ADGRL3: variants seen among roughly 807,000 people sequenced by gnomAD.
The protein encoded by ADGRL3 is adhesion G protein-coupled receptor L3, also known as calcium-independent alpha-latrotoxin receptor 3.
In ADGRL3, 62 loss-of-function variants were observed where a neutral mutation model predicts 153.5. The observed-to-expected ratio is 0.40, with a 90% CI of 0.33 to 0.50. The LOEUF (loss-of-function observed/expected upper bound fraction) is 0.50, where lower values mean the gene tolerates loss of function less well. Among genes scored for constraint, ADGRL3 ranks in the 20% least tolerant of loss-of-function variants. ADGRL3 has a pLI of 0.47. For missense variants in ADGRL3, 1,641 were observed against 1,859.4 expected (o/e 0.88, Z 2.16); for synonymous variants, 710 against 672.5 (o/e 1.06, Z -0.86).
chr4:61,806,517 T>C (rs1461758394), intron 8 of ADGRL3, among the ~76,000 whole-genome samples: 1 of 151,962 alleles, frequency 6.6e-6, no homozygotes, highest in Non-Finnish European at 1.5e-5. Flanking sequence ...TATTTTTCTA[T>C]CTAATATACA....
At chr4:61,409,049 A>T (rs2097045519) in intron 2 of ADGRL3, among the ~76,000 whole-genome samples, 1 of 151,340 alleles carries the variant, frequency 6.6e-6, no homozygotes, top group Non-Finnish European at 1.5e-5. Flanking sequence ...CAATACTTGC[A>T]TATTCTGCCC....
At chr4:61,714,326 T>C (rs1211438159) in intron 6 of ADGRL3, among the ~76,000 whole-genome samples, 1 of 151,404 alleles carries the variant, frequency 6.6e-6, no homozygotes, top group Non-Finnish European at 1.5e-5. Context: ...TTAAAGATTA[T>C]GGTGAATGTA....
chr4:61,657,572 A>G (rs752133643), intron 5 of ADGRL3, among the ~76,000 whole-genome samples: 2 of 152,112 alleles, frequency 1.3e-5, no homozygotes, highest in African/African-American at 2.4e-5. Flanking sequence ...TTTAACACCA[A>G]GAGTCAACAA....
intron 2 of ADGRL3, among the ~76,000 whole-genome samples, chr4:61,415,138 T>C (rs2097131833): frequency 6.6e-6 from 1 of 151,868 alleles, no homozygotes; most frequent in Admixed American, 6.6e-5. Context: ...AATAGGAATA[T>C]TAAAATACAT....
chr4:61,358,573 G>A (rs1431567741), intron 1 of ADGRL3, among the ~76,000 whole-genome samples: 9 of 140,838 alleles, frequency 6.4e-5, no homozygotes. Flanking sequence ...CTCCAGCCTG[G>A]GCGACAGAGC....
intron 9 of ADGRL3, among the ~76,000 whole-genome samples, chr4:61,848,659 T>G (rs573136064): frequency 1.2e-3 from 181 of 152,200 alleles, no homozygotes; most frequent in Non-Finnish European, 1.9e-3. Flanking sequence ...TATTCTAAAT[T>G]TTATCCAAGA....
At chr4:61,433,835 G>T (rs2097407355) in intron 2 of ADGRL3, among the ~76,000 whole-genome samples, 1 of 151,898 alleles carries the variant, frequency 6.6e-6, no homozygotes, top group South Asian at 2.1e-4. Context: ...ATCTTTTTCT[G>T]CCTTTCCAGA....
chr4:61,399,602 A>G lies in ADGRL3; in HGVS notation c.-174+16413A>G, dbSNP rs114231189. On this transcript the variant is annotated intron_variant, in intron 2 of 26. Coordinates refer to ENST00000683033, the MANE Select transcript of ADGRL3 (RefSeq NM_001387552.1). ...AGTAAGAGAAATGTCACTCTTCCAT[A>G]GTGAATAATTTAAAAATGTTAAATC... Among the ~76,000 whole-genome samples, 1,283 of 151,810 alleles carry G rather than the reference A, an allele frequency of 8.5e-3. 8 individuals are homozygous for G. Among genetic ancestry groups the G allele is most frequent in the Non-Finnish European group, 0.014 (965 of 67,670 alleles).
In ADGRL3 at chr4:62,071,954, A is replaced by G. The variant is rs1310349555; in HGVS notation, c.*1046A>G. 1 of 250,942 alleles carries G rather than the reference A, an allele frequency of 4.0e-6. No individual in the cohort carries two copies. The highest frequency in any genetic ancestry group is 2.3e-5 in the African/African-American group (1 of 42,750). The allele number at this position is 250,942 out of a possible 1,614,324, so 15.5% of individuals were successfully genotyped here. A position where few individuals can be genotyped will look rare whatever the true frequency, so the allele number is the denominator to read the frequency against. ...AGTGTTTTTTGCAAATTAGAGCAGG[A>G]CAAACTTTTATGTTTACAGGGCACG... On this transcript the variant is annotated 3_prime_UTR_variant, in exon 27 of 27. Transcript: ENST00000683033.
intron 5 of ADGRL3, among the ~76,000 whole-genome samples, chr4:61,673,002 A>G (rs1014015523): frequency 1.3e-5 from 2 of 151,998 alleles, no homozygotes; most frequent in Non-Finnish European, 2.9e-5. Context: ...ATTCAGCCTT[A>G]AAAATGAAGG....
At chr4:61,266,779 C>T (rs28541298) in intron 1 of ADGRL3, among the ~76,000 whole-genome samples, 4,121 of 151,638 alleles carry the variant, frequency 0.027, 181 homozygotes, top group African/African-American at 0.091. Flanking sequence ...TCTTTTTGTT[C>T]CAAATTAGAG....
intron 9 of ADGRL3, among the ~76,000 whole-genome samples, chr4:61,821,867 C>T (rs536585220): frequency 8.6e-4 from 131 of 152,298 alleles, no homozygotes; most frequent in African/African-American, 3.0e-3. Flanking sequence ...GCAGGTGGTT[C>T]TGCCTAGTGC....
rs112506212 is a variant in ADGRL3, at chr4:61,447,698, G to A, written c.-173-49423G>A. Reference sequence around the variant, plus strand: ...AAATCAATTTTTGTATAATCTGTTTGAAACATGAGTTTTATTTGCTTAATA... The same window carrying A: ...AAATCAATTTTTGTATAATCTGTTTAAAACATGAGTTTTATTTGCTTAATA... On this transcript the variant is annotated intron_variant, in intron 2 of 26. Transcript: ENST00000683033. Among the ~76,000 whole-genome samples the A allele has an allele frequency of 5.3e-3, 814 of 152,252 alleles. 8 individuals are homozygous for A. The highest frequency in any genetic ancestry group is 0.018 in the African/African-American group (752 of 41,560).
intron 12 of ADGRL3, among the ~76,000 whole-genome samples, chr4:61,910,606 G>T (rs2098717658): frequency 6.6e-6 from 1 of 151,776 alleles, no homozygotes; most frequent in African/African-American, 2.4e-5. Context: ...CATTTGTGTA[G>T]TAGAGATGTT....
At chr4:62,056,722 A>C (rs993032145) in intron 25 of ADGRL3, among the ~76,000 whole-genome samples, 2 of 152,130 alleles carry the variant, frequency 1.3e-5, no homozygotes, top group Non-Finnish European at 2.9e-5. Context: ...ACTCTAATTT[A>C]TATACGTTAA....
chr4:61,462,474 A>G (rs1348496293), intron 2 of ADGRL3, among the ~76,000 whole-genome samples: 1 of 152,116 alleles, frequency 6.6e-6, no homozygotes, highest in East Asian at 1.9e-4. Context: ...TAGCTCCAGA[A>G]TAGGAGAGAC....
chr4:61,286,011 C>A (rs2093927216), intron 1 of ADGRL3, among the ~76,000 whole-genome samples: 1 of 151,152 alleles, frequency 6.6e-6, no homozygotes, highest in African/African-American at 2.4e-5. Flanking sequence ...AAAATTAATC[C>A]TTTTTGTGGT....
intron 8 of ADGRL3, among the ~76,000 whole-genome samples, chr4:61,735,687 A>G (rs2096498863): frequency 1.3e-5 from 2 of 152,196 alleles, no homozygotes; most frequent in African/African-American, 4.8e-5. Flanking sequence ...AGGAATAATA[A>G]ATAATAACTT....
chr4:61,606,734 C>T (rs1371326280), intron 5 of ADGRL3, among the ~76,000 whole-genome samples: 12 of 152,082 alleles, frequency 7.9e-5, no homozygotes, highest in Admixed American at 7.9e-4. Flanking sequence ...GAAGAGGTCT[C>T]ACTGCAGTTT....
Sources: gnomAD v4.1 joint callset for allele counts (sites outside exome capture counted in the v4.1 genomes callset) on GRCh38, gnomAD v4.1.1 for gene constraint, MANE v1.5 for transcripts, NCBI Gene and HGNC (gene_info 2026-07-23, HGNC 2026-07-21) for gene names.